The following NCEH1 variants were observed in gnomAD, a reference collection of about 807,000 sequenced individuals.
NCEH1 encodes the protein neutral cholesterol ester hydrolase 1.
In NCEH1, 9 loss-of-function variants were observed where a neutral mutation model predicts 25.4. That is an observed-to-expected ratio of 0.35 (90% confidence interval 0.21 to 0.62). The LOEUF (loss-of-function observed/expected upper bound fraction) is 0.62. NCEH1 is among the 20% of genes least tolerant of loss of function. NCEH1 has a pLI of 0.72. For missense variants in NCEH1, 412 were observed against 501.1 expected, an observed-to-expected ratio of 0.82 and a Z score of 1.70; for synonymous variants, 200 against 199.8, an observed-to-expected ratio of 1.00 and a Z score of -0.01.
At chr3:172,699,151 G>A (rs2108535438) in intron 1 of NCEH1, among the ~76,000 whole-genome samples, 1 of 152,288 alleles carries the variant, frequency 6.6e-6, no homozygotes, top group African/African-American at 2.4e-5. Context: ...GAAAGAGACG[G>A]GGAAGTTCTC....
At position 172,670,602 on chromosome 3, in the gene NCEH1, T is replaced by C. The variant is rs556694198; in HGVS notation, c.139-22488A>G. On this transcript the variant is annotated intron_variant, in intron 1 of 4. Coordinates refer to ENST00000475381, the MANE Select transcript of NCEH1 (RefSeq NM_020792.6). ...CGGCCATCAGTAATCACACTCTTGC[T>C]TAACATGCAAATGAATAAAGCTATT... Among the ~76,000 whole-genome samples, 6 of 152,330 alleles carry C rather than the reference T, an allele frequency of 3.9e-5. No individual in the cohort carries two copies. The East Asian group carries it at 1.2e-3, about 29-fold the overall frequency.
At chr3:172,645,931 A>G (rs572367663) in intron 2 of NCEH1, among the ~76,000 whole-genome samples, 1 of 152,380 alleles carries the variant, frequency 6.6e-6, no homozygotes, top group South Asian at 2.1e-4. Context: ...ATATATTACT[A>G]TCTAAATATT....
chr3:172,697,071 C>T (rs188761824), intron 1 of NCEH1, among the ~76,000 whole-genome samples: 36 of 151,724 alleles, frequency 2.4e-4, no homozygotes, highest in Admixed American at 3.9e-4. Context: ...ACTACAGGTG[C>T]GCCCCACCAT....
At chr3:172,637,856 T>G (rs1242997322) in intron 3 of NCEH1, among the ~76,000 whole-genome samples, 1 of 151,398 alleles carries the variant, frequency 6.6e-6, no homozygotes, top group East Asian at 2.0e-4. Flanking sequence ...GCCACTGCAC[T>G]CCAGCCTGGG....
chr3:172,681,017 A>G (rs1712339764), intron 1 of NCEH1: 1 of 151,420 alleles, frequency 6.6e-6, no homozygotes, highest in Non-Finnish European at 1.5e-5. Flanking sequence ...AAAAAGTATG[A>G]CACCTATAAG....
intron 1 of NCEH1, among the ~76,000 whole-genome samples, chr3:172,707,179 T>A (rs1714050898): frequency 6.6e-6 from 1 of 152,166 alleles, no homozygotes; most frequent in South Asian, 2.1e-4. Flanking sequence ...AAAAAAAAAA[T>A]CTTTGTCTGC....
Position 172,634,051 on chromosome 3 carries a change from T to C in NCEH1, c.651A>G (p.Gln217=). Residue 217 remains glutamine, a synonymous_variant, in exon 5 of 5, where the codon CAA becomes CAG. Transcript: ENST00000475381. ...DASLKNKLKL[Q]ALIYPVLQAL... is the part of the protein sequence containing the mutation. The stretch of plus-strand genomic sequence containing the variant: ...CTTGAAGAACTGGATAAATTAAAGC[T>C]TGTAGTTTGAGCTTATTTTTTAGGC... The C allele has an allele frequency of 6.2e-7, 1 of 1,614,046 alleles. No individual in the cohort carries two copies.
intron 1 of NCEH1, among the ~76,000 whole-genome samples, chr3:172,679,453 A>G (rs969942693): frequency 5.3e-5 from 8 of 151,822 alleles, no homozygotes; most frequent in African/African-American, 1.5e-4. Flanking sequence ...CCCACCCCCG[A>G]CCTTTTATAG....
intron 1 of NCEH1, among the ~76,000 whole-genome samples, chr3:172,660,230 G>C (rs1328561454): frequency 6.6e-6 from 1 of 151,092 alleles, no homozygotes; most frequent in East Asian, 2.0e-4. Context: ...GCAGTGTTTG[G>C]TTTTCTGTCC....
At chr3:172,684,855 C>T (rs1712610366) in intron 1 of NCEH1, among the ~76,000 whole-genome samples, 1 of 152,020 alleles carries the variant, frequency 6.6e-6, no homozygotes, top group Admixed American at 6.5e-5. Context: ...GTGGTGTGTG[C>T]CTGTAATCCC....
At chr3:172,697,141 C>T (rs1438938156) in intron 1 of NCEH1, among the ~76,000 whole-genome samples, 5 of 150,972 alleles carry the variant, frequency 3.3e-5, no homozygotes, top group Non-Finnish European at 2.9e-5. Context: ...GTTGCCCAGG[C>T]TGGTCTCAAA....
chr3:172,669,733 C>T (rs1490176123), intron 1 of NCEH1, among the ~76,000 whole-genome samples: 1 of 152,134 alleles, frequency 6.6e-6, no homozygotes, highest in African/African-American at 2.4e-5. Context: ...GATGGGGTTT[C>T]GCCATCTTGG....
chr3:172,636,759 T>C (rs1716613415), intron 3 of NCEH1, among the ~76,000 whole-genome samples: 1 of 152,206 alleles, frequency 6.6e-6, no homozygotes, highest in Admixed American at 6.5e-5. Context: ...TCAGAGTCCT[T>C]TGGAATCCTA....
intron 1 of NCEH1, among the ~76,000 whole-genome samples, chr3:172,650,215 C>A (rs1717327697): frequency 6.6e-6 from 1 of 152,156 alleles, no homozygotes; most frequent in Non-Finnish European, 1.5e-5. Flanking sequence ...AGAAAAGGGA[C>A]AATTTGGCTG....
intron 1 of NCEH1, among the ~76,000 whole-genome samples, chr3:172,688,703 T>C (rs1712846333): frequency 6.6e-6 from 1 of 152,220 alleles, no homozygotes; most frequent in Non-Finnish European, 1.5e-5. Context: ...GATAGCACTA[T>C]CTACACTCAA....
chr3:172,637,123 A>G (rs1334309786), intron 3 of NCEH1, among the ~76,000 whole-genome samples: 1 of 152,168 alleles, frequency 6.6e-6, no homozygotes, highest in Non-Finnish European at 1.5e-5. Flanking sequence ...GTGTTCTCTG[A>G]TATCAGGAAC....
chr3:172,678,472 G>A (rs1409839083), intron 1 of NCEH1, among the ~76,000 whole-genome samples: 2 of 152,136 alleles, frequency 1.3e-5, no homozygotes, highest in Non-Finnish European at 2.9e-5. Flanking sequence ...GATCCAAGAC[G>A]TTGGAACAAG....
intron 1 of NCEH1, among the ~76,000 whole-genome samples, chr3:172,649,151 A>C (rs1717273235): frequency 6.6e-6 from 1 of 152,170 alleles, no homozygotes; most frequent in Non-Finnish European, 1.5e-5. Flanking sequence ...TCATCGCCTC[A>C]GCCTCTGGGC....
chr3:172,645,144 CAG>C (rs1717057357), intron 3 of NCEH1, among the ~76,000 whole-genome samples: 1 of 152,116 alleles, frequency 6.6e-6, no homozygotes, highest in Non-Finnish European at 1.5e-5. Context: ...ACAGAACTGA[CAG>C]AGACAACCCA....
Sources: gnomAD v4.1 joint callset for allele counts (sites outside exome capture counted in the v4.1 genomes callset) on GRCh38, gnomAD v4.1.1 for gene constraint, MANE v1.5 for transcripts, NCBI Gene and HGNC (gene_info 2026-07-23, HGNC 2026-07-21) for gene names.